The following GPC6 variants were observed in gnomAD, a reference collection of about 807,000 sequenced individuals.
GPC6 encodes the protein glypican 6.
Under a neutral mutation model 55.2 loss-of-function variants are expected in GPC6, and 14 were observed. That is an observed-to-expected ratio of 0.25 (90% CI 0.17 to 0.40). The LOEUF (loss-of-function observed/expected upper bound fraction) is 0.40, where lower values mean the gene tolerates loss of function less well. GPC6 is among the 10% of genes least tolerant of loss of function. GPC6 has a pLI of 1.00. For synonymous variants in GPC6, 278 were observed against 259.6 expected, an observed-to-expected ratio of 1.07 and a Z score of -0.68; for missense variants, 641 against 708.5, an observed-to-expected ratio of 0.90 and a Z score of 1.08.
chr13:94,210,157 AT>A (rs11324733), intron 4 of GPC6, among the ~76,000 whole-genome samples: 44,698 of 137,508 alleles, frequency 0.33, 6,588 homozygotes, highest in Non-Finnish European at 0.34. Flanking sequence ...TGTATGTTTA[AT>A]TTTTTTTTTT....
chr13:94,005,555 A>T (rs1274410022), intron 3 of GPC6, among the ~76,000 whole-genome samples: 3 of 152,196 alleles, frequency 2.0e-5, no homozygotes, highest in Admixed American at 1.3e-4. Flanking sequence ...GAAAAGACAT[A>T]TCAGGAGACA....
chr13:93,677,983 A>G (rs1265286298), intron 2 of GPC6, among the ~76,000 whole-genome samples: 1 of 152,084 alleles, frequency 6.6e-6, no homozygotes. Flanking sequence ...TTAAATACTA[A>G]AAGGTATAAA....
At chr13:94,052,374 G>A (rs1233619301) in intron 4 of GPC6, among the ~76,000 whole-genome samples, 1 of 152,194 alleles carries the variant, frequency 6.6e-6, no homozygotes, top group South Asian at 2.1e-4. Flanking sequence ...GTAGAGGTGG[G>A]TTGGCAGGGA....
At chr13:94,198,994 T>C (rs556072269) in intron 4 of GPC6, among the ~76,000 whole-genome samples, 32 of 152,214 alleles carry the variant, frequency 2.1e-4, no homozygotes, top group Admixed American at 1.8e-3. Context: ...ATTTCTTTCA[T>C]GAATCAGACA....
chr13:93,305,261 GTTTT>G (rs1400226223), intron 1 of GPC6, among the ~76,000 whole-genome samples: 2 of 151,924 alleles, frequency 1.3e-5, no homozygotes, highest in African/African-American at 4.8e-5. Context: ...TTGTGTGTGT[GTTTT>G]TGTTTTGTTT....
chr13:93,948,597 A>G (rs1879116205), intron 3 of GPC6, among the ~76,000 whole-genome samples: 1 of 152,216 alleles, frequency 6.6e-6, no homozygotes, highest in South Asian at 2.1e-4. Flanking sequence ...AATATGATTG[A>G]ATGCATAATT....
intron 4 of GPC6, among the ~76,000 whole-genome samples, chr13:94,051,882 A>G (rs1221840602): frequency 6.6e-6 from 1 of 152,184 alleles, no homozygotes; most frequent in African/African-American, 2.4e-5. Flanking sequence ...CTTATTAAAG[A>G]TAGTAAAGCA....
At chr13:94,106,513 T>C (rs995995576) in intron 4 of GPC6, among the ~76,000 whole-genome samples, 6 of 151,584 alleles carry the variant, frequency 4.0e-5, no homozygotes, top group African/African-American at 1.2e-4. Flanking sequence ...TAAGAAGAGT[T>C]AAGAGAGTGA....
intron 3 of GPC6, among the ~76,000 whole-genome samples, chr13:93,895,546 G>C (rs1172306282): frequency 6.6e-6 from 1 of 151,622 alleles, no homozygotes; most frequent in Non-Finnish European, 1.5e-5. Context: ...TCTTCCTTTG[G>C]TATTTCTTCA....
intron 2 of GPC6, among the ~76,000 whole-genome samples, chr13:93,808,650 A>G (rs973586458): frequency 6.6e-6 from 1 of 152,260 alleles, no homozygotes; most frequent in African/African-American, 2.4e-5. Flanking sequence ...GTATGTAATT[A>G]AACACAGAAC....
intron 3 of GPC6, among the ~76,000 whole-genome samples, chr13:93,890,734 G>A (rs938197039): frequency 2.0e-5 from 1 of 49,748 alleles, no homozygotes; most frequent in Non-Finnish European, 4.8e-5. Flanking sequence ...TTTTTTTTTT[G>A]CTTAGAAAGT....
intron 2 of GPC6, among the ~76,000 whole-genome samples, chr13:93,565,938 A>C (rs544534680): frequency 0.013 from 1,797 of 140,502 alleles, 41 homozygotes; most frequent in African/African-American, 0.054. Flanking sequence ...AACAAACAAA[A>C]AAAAAAAAGA....
chr13:93,791,720 C>T (rs1233324265), intron 2 of GPC6, among the ~76,000 whole-genome samples: 4 of 152,156 alleles, frequency 2.6e-5, no homozygotes, highest in Non-Finnish European at 4.4e-5. Flanking sequence ...GACACACTGA[C>T]AGTCTGTTGA....
intron 6 of GPC6, among the ~76,000 whole-genome samples, chr13:94,372,545 C>T (rs560808939): frequency 6.6e-6 from 1 of 152,316 alleles, no homozygotes; most frequent in African/African-American, 2.4e-5. Context: ...ATATCCCGCA[C>T]CTGGCTCGGA....
At chr13:93,450,573 G>A (rs1276137654) in intron 1 of GPC6, among the ~76,000 whole-genome samples, 1 of 152,204 alleles carries the variant, frequency 6.6e-6, no homozygotes, top group African/African-American at 2.4e-5. Flanking sequence ...GTGGGGACTG[G>A]TCAAAGGTGT....
intron 4 of GPC6, among the ~76,000 whole-genome samples, chr13:94,234,771 G>C (rs1468476261): frequency 6.6e-6 from 1 of 152,084 alleles, no homozygotes; most frequent in Non-Finnish European, 1.5e-5. Context: ...TAAGGATTTT[G>C]TGGACAAAAG....
intron 2 of GPC6, among the ~76,000 whole-genome samples, chr13:93,711,448 A>G (rs1239639541): frequency 6.6e-6 from 1 of 151,826 alleles, no homozygotes; most frequent in Admixed American, 6.6e-5. Context: ...ACACGTGGGA[A>G]TGATGGGAGC....
chr13:93,448,181 C>A (rs538048522), intron 1 of GPC6, among the ~76,000 whole-genome samples: 2 of 152,196 alleles, frequency 1.3e-5, no homozygotes, highest in South Asian at 4.1e-4. Context: ...ATGTTTTGGT[C>A]AAGGATGAAC....
intron 4 of GPC6, among the ~76,000 whole-genome samples, chr13:94,064,939 A>G (rs866949221): frequency 6.6e-6 from 1 of 152,162 alleles, no homozygotes; most frequent in African/African-American, 2.4e-5. Context: ...ACAAGTAAGT[A>G]TTGTTTACTT....
Sources: gnomAD v4.1 joint callset for allele counts (sites outside exome capture counted in the v4.1 genomes callset) on GRCh38, gnomAD v4.1.1 for gene constraint, MANE v1.5 for transcripts, NCBI Gene and HGNC (gene_info 2026-07-23, HGNC 2026-07-21) for gene names.